The following SLC19A1 variants were observed in gnomAD, a reference collection of about 807,000 sequenced individuals.
SLC19A1 encodes reduced folate transporter.
In SLC19A1, 37 loss-of-function variants were observed where a neutral mutation model predicts 35.3. The observed-to-expected ratio is 1.05, with a 90% CI of 0.81 to 1.38. The LOEUF is 1.38. Among genes scored for constraint, SLC19A1 ranks in the 40% most tolerant of loss-of-function variants. The pLI, the probability that SLC19A1 is intolerant of heterozygous loss-of-function variation, is 0.00. For missense variants in SLC19A1, 831 were observed against 826.9 expected (o/e 1.00, Z -0.06); for synonymous variants, 460 against 398.5 (o/e 1.15, Z -1.84).
chr21:45,533,569 C>T lies in SLC19A1; in HGVS notation c.190-1421G>A, dbSNP rs1240330526. ...CATTTTCAGCAGGTGGCCCCGCCCA[C>T]AGGCCCCACCAGACCCCACCTCAGA... On this transcript the variant is annotated intron_variant, in intron 2 of 5. Transcript: ENST00000311124. This position sits in a 1 kb window ranked among gnomAD's most constrained non-coding sequence, Gnocchi z 4.5. Among the ~76,000 whole-genome samples the T allele has an allele frequency of 1.3e-5, 2 of 152,004 alleles. No homozygotes were observed. Among genetic ancestry groups the T allele is most frequent in the South Asian group, 2.1e-4 (1 of 4,822 alleles).
chr21:45,554,726 T>C (rs1055284443), intron 1 of SLC19A1, among the ~76,000 whole-genome samples: 2 of 151,184 alleles, frequency 1.3e-5, no homozygotes, highest in African/African-American at 4.9e-5. Context: ...GACATCTCCT[T>C]CCGCTTGGCT....
chr21:45,546,053 T>A (rs112309632), upstream of SLC19A1, among the ~76,000 whole-genome samples: 64 of 152,336 alleles, frequency 4.2e-4, no homozygotes, highest in African/African-American at 1.5e-3. Context: ...CACAAGGGCC[T>A]AGGGGCCCAA....
chr21:45,537,719 T>TGGGGGGGCCCCCCCCCCCCCCCCCC, intron 2 of SLC19A1, 52 bp downstream of exon 2: 2 of 319,776 alleles, frequency 6.3e-6, no homozygotes, highest in Non-Finnish European at 1.1e-5. Context: ...CAGACGCTGC[T>TGGGGGGGCCCCCCCCCCCCCCCCCC]CCCCGCCCAC....
downstream of SLC19A1, chr21:45,509,489 TGCCCGA>T (rs761460663): frequency 2.3e-5 from 35 of 1,524,260 alleles, no homozygotes; most frequent in Non-Finnish European, 3.0e-5. Flanking sequence ...CCCCCTCGCC[TGCCCGA>T]GCCCCAGCCC....
At chr21:45,527,199 GTATGC>G in intron 4 of SLC19A1, among the ~76,000 whole-genome samples, 1 of 140,124 alleles carries the variant, frequency 7.1e-6, no homozygotes, top group African/African-American at 2.7e-5. Context: ...TAGCAGCTGG[GTATGC>G]CCGGGAGGGC....
chr21:45,511,282 C>A, downstream of SLC19A1: 1 of 944,146 alleles, frequency 1.1e-6, no homozygotes, highest in Non-Finnish European at 1.7e-6. Context: ...GGAAGGCGGG[C>A]GGGCGGGCTC....
At chr21:45,549,632 G>C (rs1263347508) in intron 1 of SLC19A1, among the ~76,000 whole-genome samples, 1 of 126,410 alleles carries the variant, frequency 7.9e-6, no homozygotes, top group Non-Finnish European at 1.7e-5. Flanking sequence ...TGTGGCAGGG[G>C]AGGGGCAGGG....
chr21:45,530,966 T>C lies in SLC19A1; in HGVS notation c.955A>G (p.Ile319Val), dbSNP rs367676430. The C allele has an allele frequency of 5.2e-5, 62 of 1,194,668 alleles. No homozygotes were observed. The highest frequency in any genetic ancestry group is 6.3e-5 in the Non-Finnish European group (60 of 951,444). 74.0% of individuals were successfully genotyped at this position (1,194,668 alleles called of 1,614,324 possible). Residue 319 changes from isoleucine to valine, a missense_variant, in exon 4 of 6, where the codon ATC becomes GTC. Ile to Val is a conservative substitution (Grantham distance 29). Coordinates refer to ENST00000311124, the MANE Select transcript of SLC19A1 (RefSeq NM_194255.4). This position sits in a 1 kb window ranked among gnomAD's most constrained non-coding sequence, Gnocchi z 5.3. ...ADAASTLLGA[I>V]TSFAAGFVKI... ...ACGAAGCCCGCGGCGAAGGACGTGA[T>C]GGCGCCTGAGAGGGGAGGGATGGGG...
In SLC19A1 at chr21:45,534,747, G is replaced by T. The variant is rs543546977; in HGVS notation, c.190-2599C>A. 2.9e-6 allele frequency: 2 copies of T among 690,732 alleles called. No individual in the cohort carries two copies. Among genetic ancestry groups the T allele is most frequent in the Non-Finnish European group, 4.9e-6 (2 of 407,418 alleles). 42.8% of individuals were successfully genotyped at this position (690,732 alleles called of 1,614,324 possible). On this transcript the variant is annotated intron_variant, in intron 2 of 5. Transcript: ENST00000311124. The surrounding 1 kb of genome is among the most constrained non-coding windows in gnomAD (Gnocchi z 4.2). ...TCAGCCTTGGCAGGCAGACAGCAGG[G>T]AGGCTCTGCCCAGAGCTGTGACCTG...
intron 5 of SLC19A1, among the ~76,000 whole-genome samples, chr21:45,523,010 T>C (rs373228598): frequency 6.6e-5 from 10 of 152,280 alleles, no homozygotes; most frequent in African/African-American, 2.4e-4. Context: ...GTATTATTTA[T>C]TAAACAGCAT....
upstream of SLC19A1, among the ~76,000 whole-genome samples, chr21:45,543,095 G>A (rs1045329076): frequency 6.6e-5 from 10 of 152,244 alleles, no homozygotes; most frequent in African/African-American, 2.2e-4. Flanking sequence ...GACGTGGCCC[G>A]GGGCCACCAG....
intron 3 of SLC19A1, chr21:45,506,505 C>T (rs2037211552): frequency 9.9e-6 from 2 of 202,296 alleles, no homozygotes; most frequent in East Asian, 1.2e-4. Context: ...AGCCCCTTTC[C>T]TGCTTTCCCA....
chr21:45,530,634 T>C lies in SLC19A1; in HGVS notation c.1151+136A>G. On this transcript the variant is annotated intron_variant, in intron 4 of 5. Transcript: ENST00000311124. The surrounding 1 kb of genome is among the most constrained non-coding windows in gnomAD (Gnocchi z 5.3). ...AGGGAGAGGCAAGTGGGGACCCTGG[T>C]CAGCTCCAGGTGGCTGGCGGGGCCA... 1.1e-6 allele frequency: 1 copy of C among 875,650 alleles called. No individual in the cohort carries two copies. Among genetic ancestry groups the C allele is most frequent in the Admixed American group, 2.7e-5 (1 of 36,364 alleles). The allele number at this position is 875,650 out of a possible 1,614,324, so 54.2% of individuals were successfully genotyped here. A position where few individuals can be genotyped will look rare whatever the true frequency, so the allele number is the denominator to read the frequency against.
rs2078044292 is a variant in SLC19A1, at chr21:45,534,551, G to C, written c.190-2403C>G. The C allele has an allele frequency of 6.5e-7, 1 of 1,535,510 alleles. No individual in the cohort carries two copies. The highest frequency in any genetic ancestry group is 1.4e-5 in the African/African-American group (1 of 73,040). On this transcript the variant is annotated intron_variant, in intron 2 of 5. Transcript: ENST00000311124. The surrounding 1 kb of genome is among the most constrained non-coding windows in gnomAD (Gnocchi z 4.2). Reference sequence around the variant, plus strand: ...AGCCTCACCCACCTCCGAATGAATGGAGCATGCCTCATTTCCTCTTCCACC... The same window carrying C: ...AGCCTCACCCACCTCCGAATGAATGCAGCATGCCTCATTTCCTCTTCCACC...
intron 1 of SLC19A1, among the ~76,000 whole-genome samples, chr21:45,552,782 C>T (rs2078479599): frequency 6.6e-6 from 1 of 152,118 alleles, no homozygotes; most frequent in South Asian, 2.1e-4. Context: ...ATGAGTCTGA[C>T]CTGACACGGG....
Position 45,534,701 on chromosome 21 carries a change from A to C in SLC19A1, c.190-2553T>G. On this transcript the variant is annotated intron_variant, in intron 2 of 5. Transcript: ENST00000311124. The surrounding 1 kb of genome is among the most constrained non-coding windows in gnomAD (Gnocchi z 4.2). ...CCGCTCCTCTCCCTGCACCTCCTCA[A>C]CGGCCCCTACTCCCTCTTCCTCAGC... The C allele has an allele frequency of 3.1e-6, 3 of 965,876 alleles. No homozygotes were observed. Among genetic ancestry groups the C allele is most frequent in the Non-Finnish European group, 4.7e-6 (3 of 637,698 alleles). The allele number at this position is 965,876 out of a possible 1,614,324, so 59.8% of individuals were successfully genotyped here.
At chr21:45,525,448 G>A (rs972748285) in intron 5 of SLC19A1, among the ~76,000 whole-genome samples, 1 of 152,262 alleles carries the variant, frequency 6.6e-6, no homozygotes, top group African/African-American at 2.4e-5. Context: ...GAGTGGCTCT[G>A]CTCAGCTCTC....
At chr21:45,516,336 G>T (rs1308310228) in intron 5 of SLC19A1, among the ~76,000 whole-genome samples, 196 bp from the exon 6 acceptor site, 1 of 152,208 alleles carries the variant, frequency 6.6e-6, no homozygotes, top group Non-Finnish European at 1.5e-5. Flanking sequence ...CCACCACCTG[G>T]CACAGGCCTG....
intron 3 of SLC19A1, among the ~76,000 whole-genome samples, chr21:45,503,765 A>G (rs2037008342): frequency 2.0e-5 from 3 of 152,140 alleles, no homozygotes; most frequent in South Asian, 4.1e-4. Flanking sequence ...ATGCACATGT[A>G]CCCTAAAACT....
Sources: gnomAD v4.1 joint callset for allele counts (sites outside exome capture counted in the v4.1 genomes callset) on GRCh38, gnomAD v4.1.1 for gene constraint, Gnocchi (gnomAD v3.1) non-coding constraint, MANE v1.5 for transcripts, NCBI Gene and HGNC (gene_info 2026-07-23, HGNC 2026-07-21) for gene names.